Variants in TPP2 observed in about 807,000 individuals in gnomAD.
TPP2 encodes tripeptidyl-peptidase 2.
A neutral mutation model predicts 155.9 loss-of-function variants in TPP2; 34 were observed. The observed-to-expected ratio is 0.22, with a 90% CI of 0.17 to 0.29. TPP2 has a LOEUF of 0.29. Ranked by LOEUF, TPP2 falls within the 10% of genes least tolerant of loss-of-function variation. TPP2 has a pLI of 1.00. For missense variants in TPP2, 1,028 were observed against 1,522.3 expected (o/e 0.68, Z 5.40); for synonymous variants, 510 against 529.4 (o/e 0.96, Z 0.50).
chr13:102,655,687 C>G (rs1382746075), intron 24 of TPP2, among the ~76,000 whole-genome samples: 3 of 152,204 alleles, frequency 2.0e-5, no homozygotes, highest in African/African-American at 7.2e-5. Context: ...CTTCCATTCT[C>G]TTTTCATCTC....
intron 2 of TPP2, among the ~76,000 whole-genome samples, chr13:102,605,932 T>C (rs1176789351): frequency 6.6e-6 from 1 of 152,078 alleles, no homozygotes; most frequent in Non-Finnish European, 1.5e-5. Flanking sequence ...CCATTTTGGC[T>C]AGGCTGGTCT....
Position 102,627,080 on chromosome 13 carries a change from G to T in TPP2, c.853G>T (p.Val285Leu). The T allele has an allele frequency of 3.1e-6, 5 of 1,599,664 alleles. No homozygotes were observed. Among genetic ancestry groups the T allele is most frequent in the Non-Finnish European group, 3.4e-6 (4 of 1,172,918 alleles). ...HFPEEPERNG[V>L]APGAQILSIK... is the part of the protein sequence containing the mutation. ...TCCAGAAGAACCTGAACGGAATGGG[G>T]TAGCTCCTGGTGCTCAAATTCTTTC... Residue 285 changes from valine to leucine, a missense_variant, in exon 7 of 30, where the codon GTA becomes TTA. Transcript: ENST00000376052.
intron 12 of TPP2, among the ~76,000 whole-genome samples, chr13:102,635,948 G>A (rs1000253531): frequency 2.0e-5 from 3 of 152,054 alleles, no homozygotes; most frequent in African/African-American, 7.2e-5. Context: ...AAGAAATCGA[G>A]GTCAAAAACT....
chr13:102,652,123 C>T (rs1007919690), intron 24 of TPP2, among the ~76,000 whole-genome samples: 1 of 152,066 alleles, frequency 6.6e-6, no homozygotes, highest in Non-Finnish European at 1.5e-5. Flanking sequence ...TGCCTGTAAT[C>T]CCGGCACTTT....
intron 2 of TPP2, among the ~76,000 whole-genome samples, chr13:102,605,648 T>C (rs984478247): frequency 4.6e-5 from 7 of 152,120 alleles, no homozygotes; most frequent in African/African-American, 1.7e-4. Flanking sequence ...AACTTGACCA[T>C]GAAGAAATAC....
intron 1 of TPP2, among the ~76,000 whole-genome samples, chr13:102,603,117 A>G (rs1271226776): frequency 6.6e-6 from 1 of 152,148 alleles, no homozygotes; most frequent in Non-Finnish European, 1.5e-5. Context: ...GCTCAAATGA[A>G]AATTTGTGGA....
intron 25 of TPP2, 89 bp from the exon 26 acceptor site, chr13:102,663,559 A>G: frequency 1.1e-6 from 1 of 903,918 alleles, no homozygotes; most frequent in Non-Finnish European, 1.6e-6. Flanking sequence ...TTATTGGCTT[A>G]AACTTCCAAA....
intron 14 of TPP2, 23 bp from the exon 15 acceptor site, chr13:102,638,216 C>T: frequency 1.2e-6 from 2 of 1,604,180 alleles, no homozygotes; most frequent in Middle Eastern, 1.7e-4. Flanking sequence ...TGGATATTGA[C>T]ACTTACCGAT....
rs1881683597 is a variant in TPP2 at position 102,627,184 on chromosome 13, G to T, written c.939+18G>T. 6.5e-7 allele frequency: 1 copy of T among 1,545,466 alleles called. No individual in the cohort carries two copies. Among genetic ancestry groups the T allele is most frequent in the African/African-American group, 1.4e-5 (1 of 71,970 alleles). On this transcript the variant is annotated intron_variant, in intron 7 of 29. Transcript: ENST00000376052. ...TAAGAGCTGTGAGTGTTTGTGAGTT[G>T]TTGATTCAGAAGATTAATGATTAAT...
intron 5 of TPP2, 69 bp from the exon 6 acceptor site, chr13:102,622,808 C>A: frequency 6.7e-7 from 1 of 1,494,786 alleles, no homozygotes; most frequent in South Asian, 1.3e-5. Flanking sequence ...AGTGGAGAGA[C>A]TATGTTACAT....
chr13:102,662,259 C>T (rs1324275318), intron 25 of TPP2, among the ~76,000 whole-genome samples: 2 of 152,070 alleles, frequency 1.3e-5, no homozygotes, highest in African/African-American at 2.4e-5. Context: ...GCTGGGGAGG[C>T]TGGGGAGATC....
At chr13:102,619,934 G>A (rs947040509) in intron 5 of TPP2, among the ~76,000 whole-genome samples, 1 of 152,206 alleles carries the variant, frequency 6.6e-6, no homozygotes, top group African/African-American at 2.4e-5. Context: ...AGCCTTAGGT[G>A]CGTTTTAGTG....
At chr13:102,640,525 G>A (rs16960293) in intron 16 of TPP2, 149 bp downstream of exon 16, 70,063 of 587,236 alleles carry the variant, frequency 0.12, 5,141 homozygotes, top group African/African-American at 0.26. Context: ...AGTTCAAAAC[G>A]TTTTTAAGAT....
At chr13:102,627,276 T>C (rs1881691338) in intron 7 of TPP2, 110 bp downstream of exon 7, 2 of 1,005,004 alleles carry the variant, frequency 2.0e-6, no homozygotes, top group Non-Finnish European at 2.6e-6. Flanking sequence ...CTATATATAG[T>C]GTACAGGACT....
intron 17 of TPP2, among the ~76,000 whole-genome samples, chr13:102,644,191 C>T (rs1298202326): frequency 6.6e-6 from 1 of 152,104 alleles, no homozygotes; most frequent in Admixed American, 6.5e-5. Flanking sequence ...GTATGCCTTA[C>T]AAAGTTGAAG....
intron 8 of TPP2, 83 bp from the exon 9 acceptor site, chr13:102,629,399 T>TACATAAATTTAAACC (rs1264854043): frequency 2.1e-5 from 29 of 1,368,352 alleles, no homozygotes; most frequent in Non-Finnish European, 2.7e-5. Flanking sequence ...TATGTAGCCA[T>TACATAAATTTAAACC]ATATTTAAAC....
intron 23 of TPP2, among the ~76,000 whole-genome samples, chr13:102,650,130 T>A (rs955442941): frequency 3.9e-5 from 6 of 152,162 alleles, no homozygotes; most frequent in African/African-American, 1.4e-4. Context: ...TACCTGTTTT[T>A]GTTTTTTCCT....
rs1884794422 is a variant in TPP2 at position 102,668,977 on chromosome 13, G to A, written c.3371+4052G>A. Among the ~76,000 whole-genome samples the A allele has an allele frequency of 3.3e-5, 5 of 152,262 alleles. No homozygotes were observed. In the South Asian group the frequency reaches 8.3e-4, roughly 25 times the overall value. On this transcript the variant is annotated intron_variant, in intron 27 of 29. Coordinates refer to ENST00000376052, the MANE Select transcript of TPP2 (RefSeq NM_001330588.2). Reference sequence around the variant, plus strand: ...TGGTACCGGGTTGGGTCCTAGCCACGCTATGGTATGGTTTGATGCCTCGTG... The same window carrying A: ...TGGTACCGGGTTGGGTCCTAGCCACACTATGGTATGGTTTGATGCCTCGTG...
chr13:102,665,352 G>T (rs906656995), intron 27 of TPP2, among the ~76,000 whole-genome samples: 1 of 152,182 alleles, frequency 6.6e-6, no homozygotes, highest in Non-Finnish European at 1.5e-5. Context: ...GTGGTTTGTA[G>T]TGAAATAAAT....
Sources: gnomAD v4.1 joint callset for allele counts (sites outside exome capture counted in the v4.1 genomes callset) on GRCh38, gnomAD v4.1.1 for gene constraint, MANE v1.5 for transcripts, NCBI Gene and HGNC (gene_info 2026-07-23, HGNC 2026-07-21) for gene names.